The following CDH18 variants were observed in gnomAD, a reference collection of about 807,000 sequenced individuals.
The protein encoded by CDH18 is cadherin-18.
A neutral mutation model predicts 67.9 loss-of-function variants in CDH18; 31 were observed. That is an observed-to-expected ratio of 0.46 (90% CI 0.34 to 0.62). The LOEUF (loss-of-function observed/expected upper bound fraction) is 0.62. Among genes scored for constraint, CDH18 ranks in the 20% least tolerant of loss-of-function variants. The pLI, the probability that CDH18 is intolerant of heterozygous loss-of-function variation, is 0.01. For missense variants in CDH18, 890 were observed against 975.5 expected, an observed-to-expected ratio of 0.91 and a Z score of 1.17; for synonymous variants, 362 against 347.2, an observed-to-expected ratio of 1.04 and a Z score of -0.48.
chr5:20,466,616 T>C (rs901396244), intron 1 of CDH18, among the ~76,000 whole-genome samples: 2 of 152,126 alleles, frequency 1.3e-5, no homozygotes, highest in Admixed American at 1.3e-4. Context: ...ACATTTTACT[T>C]TTCCCTAATC....
intron 1 of CDH18, among the ~76,000 whole-genome samples, chr5:20,549,218 A>C (rs536009828): frequency 2.4e-4 from 37 of 152,276 alleles, no homozygotes; most frequent in Non-Finnish European, 1.5e-5. Context: ...ACAACAATGA[A>C]AGTATTTCAT....
In CDH18 at chr5:19,541,581, C is replaced by T. The variant is rs2172524; in HGVS notation, c.1390+2288G>A. On this transcript the variant is annotated intron_variant, in intron 9 of 12. Transcript: ENST00000382275. ...TAGTTTCACATGGCTGGGAAGGCCTCACAATCATGAAAGAAGGCAAAGGAA... is the reference window on the plus strand; with the variant it reads ...TAGTTTCACATGGCTGGGAAGGCCTTACAATCATGAAAGAAGGCAAAGGAA... Among the ~76,000 whole-genome samples, 826 of 152,250 alleles carry T rather than the reference C, an allele frequency of 5.4e-3. 17 individuals carry two copies. The highest frequency in any genetic ancestry group is 0.035 in the Admixed American group (539 of 15,278).
intron 11 of CDH18, among the ~76,000 whole-genome samples, chr5:19,491,472 A>G (rs2126670501): frequency 6.6e-6 from 1 of 152,332 alleles, no homozygotes; most frequent in East Asian, 1.9e-4. Context: ...ACTGCTACAA[A>G]TCTGGCAATG....
chr5:19,903,530 TGTGTGTGTGTGTATATATATATATA>T (rs1790160170), intron 2 of CDH18, among the ~76,000 whole-genome samples: 1 of 67,664 alleles, frequency 1.5e-5, no homozygotes, highest in Non-Finnish European at 3.0e-5. Flanking sequence ...ATAATGACTC[TGTGTGTGTGTGTATATATATATATA>T]TATATATATA....
At chr5:19,554,564 A>ATT (rs11418121) in intron 8 of CDH18, among the ~76,000 whole-genome samples, 4 of 148,004 alleles carry the variant, frequency 2.7e-5, no homozygotes, top group African/African-American at 7.4e-5. Flanking sequence ...AAAAAAAACA[A>ATT]TTTTTTTTTT....
intron 2 of CDH18, among the ~76,000 whole-genome samples, chr5:19,895,712 G>A (rs147844093): frequency 1.7e-3 from 255 of 152,174 alleles, no homozygotes; most frequent in African/African-American, 5.1e-3. Flanking sequence ...CATAACACTC[G>A]GATGAATCTC....
intron 2 of CDH18, among the ~76,000 whole-genome samples, chr5:20,186,620 G>C (rs1396914672): frequency 6.6e-6 from 1 of 151,958 alleles, no homozygotes; most frequent in Non-Finnish European, 1.5e-5. Context: ...TTACCCGCTA[G>C]AATGACTGAG....
At chr5:20,394,765 G>T (rs866006393) in intron 1 of CDH18, among the ~76,000 whole-genome samples, 9 of 151,826 alleles carry the variant, frequency 5.9e-5, no homozygotes, top group Admixed American at 3.9e-4. Flanking sequence ...ATGAAAAAGT[G>T]GGCAAATGAT....
intron 5 of CDH18, among the ~76,000 whole-genome samples, chr5:19,658,497 A>G (rs976492239): frequency 3.9e-5 from 6 of 152,106 alleles, no homozygotes; most frequent in African/African-American, 1.4e-4. Context: ...TACATAAAGT[A>G]TTCAAAGTGT....
chr5:19,684,607 T>C (rs1469644830), intron 5 of CDH18, among the ~76,000 whole-genome samples: 2 of 151,742 alleles, frequency 1.3e-5, no homozygotes, highest in African/African-American at 4.8e-5. Context: ...TAGAGTCTTC[T>C]ACATTTTTTA....
intron 7 of CDH18, among the ~76,000 whole-genome samples, chr5:19,582,426 C>G (rs934390186): frequency 6.6e-6 from 1 of 151,960 alleles, no homozygotes; most frequent in African/African-American, 2.4e-5. Context: ...CGATTTATTA[C>G]TCCAGGCTCA....
chr5:20,341,388 C>T (rs1394835640), intron 1 of CDH18, among the ~76,000 whole-genome samples: 1 of 152,094 alleles, frequency 6.6e-6, no homozygotes, highest in Non-Finnish European at 1.5e-5. Flanking sequence ...TAACATTGGA[C>T]TCCAAGTTCT....
intron 5 of CDH18, among the ~76,000 whole-genome samples, chr5:19,685,700 C>T (rs1203797838): frequency 6.6e-6 from 1 of 152,182 alleles, no homozygotes; most frequent in African/African-American, 2.4e-5. Flanking sequence ...GCCTTGGTTA[C>T]TCCAGCTCTC....
At chr5:19,630,330 A>T (rs1359411237) in intron 5 of CDH18, among the ~76,000 whole-genome samples, 2 of 152,178 alleles carry the variant, frequency 1.3e-5, no homozygotes, top group African/African-American at 4.8e-5. Flanking sequence ...TTAGTTATCA[A>T]TGTGGCCCTT....
intron 1 of CDH18, among the ~76,000 whole-genome samples, chr5:20,573,042 T>G (rs961750211): frequency 5.8e-4 from 89 of 152,260 alleles, no homozygotes; most frequent in South Asian, 4.1e-4. Context: ...AAGTGTGAAG[T>G]GTTTTTTAAA....
intron 8 of CDH18, among the ~76,000 whole-genome samples, chr5:19,553,448 A>G (rs1415294059): frequency 6.6e-6 from 1 of 151,756 alleles, no homozygotes; most frequent in Non-Finnish European, 1.5e-5. Context: ...TAAAGTATAG[A>G]AGACCTCTTT....
chr5:20,026,894 T>A (rs1028939553), intron 2 of CDH18, among the ~76,000 whole-genome samples: 3 of 151,892 alleles, frequency 2.0e-5, no homozygotes, highest in Non-Finnish European at 4.4e-5. Context: ...GAGGTGGAGC[T>A]TGCAGTGAGC....
chr5:20,424,745 T>TAAAAAA (rs67349001), intron 1 of CDH18, among the ~76,000 whole-genome samples: 3 of 42,930 alleles, frequency 7.0e-5, no homozygotes, highest in African/African-American at 1.1e-4. Context: ...AGACTCTGTC[T>TAAAAAA]AAAAAAAAAA....
intron 3 of CDH18, among the ~76,000 whole-genome samples, chr5:19,761,741 C>A (rs912216900): frequency 5.3e-5 from 8 of 152,130 alleles, no homozygotes; most frequent in Non-Finnish European, 1.0e-4. Flanking sequence ...GAAAAAACTA[C>A]TTTAAAGTTC....
Sources: allele counts gnomAD v4.1 joint callset (sites outside exome capture counted in the v4.1 genomes callset), GRCh38; gene constraint gnomAD v4.1.1; transcripts MANE v1.5; gene names NCBI Gene and HGNC (gene_info 2026-07-23, HGNC 2026-07-21).